The following BNC2 variants were observed in gnomAD, a reference collection of about 807,000 sequenced individuals.
BNC2 encodes the protein zinc finger protein basonuclin-2.
BNC2 carries 20 observed loss-of-function variants against 76.3 expected under a neutral mutation model. The ratio of observed to expected loss-of-function variants is 0.26; its 90% CI spans 0.18 to 0.38. The LOEUF (loss-of-function observed/expected upper bound fraction) is 0.38, where lower values mean the gene tolerates loss of function less well. Ranked by LOEUF, BNC2 falls within the 10% of genes least tolerant of loss-of-function variation. The pLI, the probability that BNC2 is intolerant of heterozygous loss-of-function variation, is 1.00. For missense variants in BNC2, 1,382 were observed against 1,399.8 expected (o/e 0.99, Z 0.20); for synonymous variants, 582 against 514.8 (o/e 1.13, Z -1.77).
At chr9:16,487,285 T>G (rs189777230) in intron 5 of BNC2, among the ~76,000 whole-genome samples, 1 of 152,272 alleles carries the variant, frequency 6.6e-6, no homozygotes, top group East Asian at 1.9e-4. Flanking sequence ...GGCGGGCAGT[T>G]CTGAACGCTG....
intron 4 of BNC2, among the ~76,000 whole-genome samples, chr9:16,572,346 C>T (rs112045761): frequency 4.6e-5 from 7 of 152,080 alleles, no homozygotes; most frequent in African/African-American, 1.7e-4. Flanking sequence ...AAAAGAAAAA[C>T]GCACAAATGG....
chr9:16,813,571 C>A (rs1272594020), intron 1 of BNC2, among the ~76,000 whole-genome samples: 1 of 152,094 alleles, frequency 6.6e-6, no homozygotes, highest in Non-Finnish European at 1.5e-5. Flanking sequence ...AGCCAAAAAA[C>A]CATTATTTTT....
At chr9:16,530,923 C>A (rs1587137930) in intron 5 of BNC2, among the ~76,000 whole-genome samples, 1 of 152,142 alleles carries the variant, frequency 6.6e-6, no homozygotes, top group East Asian at 1.9e-4. Flanking sequence ...TGGATATTGT[C>A]AGATCTGCCA....
At chr9:16,440,972 C>T (rs191628403) in intron 5 of BNC2, among the ~76,000 whole-genome samples, 1 of 152,316 alleles carries the variant, frequency 6.6e-6, no homozygotes, top group East Asian at 1.9e-4. Flanking sequence ...GAACGGGACA[C>T]ATAGCTCTAT....
At chr9:16,487,270 G>A (rs927433869) in intron 5 of BNC2, among the ~76,000 whole-genome samples, 1 of 152,136 alleles carries the variant, frequency 6.6e-6, no homozygotes, top group Non-Finnish European at 1.5e-5. Flanking sequence ...GCTGGGGGTG[G>A]AGGGGGCGGG....
chr9:16,769,878 C>T (rs938339592), intron 1 of BNC2, among the ~76,000 whole-genome samples: 16 of 152,106 alleles, frequency 1.1e-4, no homozygotes, highest in African/African-American at 3.6e-4. Flanking sequence ...TATAGACCAA[C>T]CTGTGGCATT....
At chr9:16,862,864 A>C (rs1431043564) in intron 1 of BNC2, among the ~76,000 whole-genome samples, 1 of 152,118 alleles carries the variant, frequency 6.6e-6, no homozygotes, top group African/African-American at 2.4e-5. Context: ...GAAGGTCACC[A>C]GCCTTAGATG....
chr9:16,829,663 A>G (rs1818536125), intron 1 of BNC2, among the ~76,000 whole-genome samples: 2 of 152,226 alleles, frequency 1.3e-5, no homozygotes, highest in Admixed American at 6.5e-5. Context: ...CAAAACGGCA[A>G]TTCTACAAAC....
intron 3 of BNC2, among the ~76,000 whole-genome samples, chr9:16,647,652 T>C (rs1821673783): frequency 6.6e-6 from 1 of 151,940 alleles, no homozygotes; most frequent in Admixed American, 6.6e-5. Context: ...AGAGAGAGGG[T>C]TTATCAGGTT....
intron 3 of BNC2, among the ~76,000 whole-genome samples, chr9:16,593,444 G>A (rs534986517): frequency 2.0e-5 from 3 of 152,038 alleles, no homozygotes; most frequent in East Asian, 1.9e-4. Flanking sequence ...GAAGTTCAGA[G>A]TAAAAATCAA....
rs145768861 is a variant in BNC2 at position 16,501,777 on chromosome 9, G to A, written c.669+50753C>T. On this transcript the variant is annotated intron_variant, in intron 5 of 6. Coordinates refer to ENST00000380672, the MANE Select transcript of BNC2 (RefSeq NM_017637.6). Reference sequence around the variant, plus strand: ...ATGGCTAAGTGGGTTTTAAAAAAGCGAATGTAACCAACACTCAAAGGAAGG... The same window carrying A: ...ATGGCTAAGTGGGTTTTAAAAAAGCAAATGTAACCAACACTCAAAGGAAGG... 9.0e-4 allele frequency among the ~76,000 whole-genome samples: 137 copies of A among 152,220 alleles called. 1 individual carries two copies. The highest frequency in any genetic ancestry group is 2.9e-3 in the African/African-American group (119 of 41,548).
intron 5 of BNC2, among the ~76,000 whole-genome samples, chr9:16,514,299 G>A (rs185849373): frequency 4.3e-4 from 66 of 152,320 alleles, no homozygotes; most frequent in African/African-American, 1.5e-3. Flanking sequence ...AAGAATAAAT[G>A]TACTCTCTAC....
At chr9:16,628,611 G>A (rs1165995724) in intron 3 of BNC2, among the ~76,000 whole-genome samples, 4 of 152,070 alleles carry the variant, frequency 2.6e-5, no homozygotes, top group African/African-American at 7.2e-5. Flanking sequence ...GCATGCATGC[G>A]AACACACACA....
chr9:16,495,377 C>A (rs1344477014), intron 5 of BNC2, among the ~76,000 whole-genome samples: 2 of 152,174 alleles, frequency 1.3e-5, no homozygotes, highest in Non-Finnish European at 2.9e-5. Context: ...GGATTTGGGG[C>A]TCAAAGGCCA....
intron 3 of BNC2, among the ~76,000 whole-genome samples, chr9:16,682,476 T>G (rs543962430): frequency 6.6e-6 from 1 of 152,044 alleles, no homozygotes; most frequent in African/African-American, 2.4e-5. Flanking sequence ...CTTGTCAAAT[T>G]ATTACAGGAA....
intron 5 of BNC2, among the ~76,000 whole-genome samples, chr9:16,476,855 T>A (rs1450026339): frequency 6.6e-6 from 1 of 152,200 alleles, no homozygotes; most frequent in African/African-American, 2.4e-5. Context: ...GAAAAAAGCA[T>A]AATGATGCAA....
At chr9:16,761,448 T>C (rs1229446100) in intron 1 of BNC2, among the ~76,000 whole-genome samples, 1 of 152,220 alleles carries the variant, frequency 6.6e-6, no homozygotes, top group Non-Finnish European at 1.5e-5. Flanking sequence ...TTTCATATAA[T>C]TGTATTCTTC....
At chr9:16,628,175 T>G (rs949468631) in intron 3 of BNC2, among the ~76,000 whole-genome samples, 1 of 152,206 alleles carries the variant, frequency 6.6e-6, no homozygotes, top group Non-Finnish European at 1.5e-5. Flanking sequence ...GTGACAGTCT[T>G]GCTTTGGCAG....
chr9:16,747,046 A>T (rs963817283), intron 1 of BNC2, among the ~76,000 whole-genome samples: 6 of 152,094 alleles, frequency 3.9e-5, no homozygotes, highest in African/African-American at 1.4e-4. Context: ...AATTCTTCCC[A>T]TTTTTAAAAT....
Sources: allele counts gnomAD v4.1 joint callset (sites outside exome capture counted in the v4.1 genomes callset), GRCh38; gene constraint gnomAD v4.1.1; transcripts MANE v1.5; gene names NCBI Gene and HGNC (gene_info 2026-07-23, HGNC 2026-07-21).